KCNH8: variants seen among roughly 807,000 people sequenced by gnomAD.
KCNH8 encodes voltage-gated delayed rectifier potassium channel KCNH8.
In KCNH8, 70 loss-of-function variants were observed where a neutral mutation model predicts 103.6. The observed-to-expected ratio is 0.68, with a 90% confidence interval of 0.56 to 0.82. The LOEUF (loss-of-function observed/expected upper bound fraction) is 0.82. Among genes scored for constraint, KCNH8 ranks in the 40% least tolerant of loss-of-function variants. KCNH8 has a pLI of 0.00. For synonymous variants in KCNH8, 498 were observed against 489.4 expected (o/e 1.02, Z -0.23); for missense variants, 1,217 against 1,329.9 (o/e 0.92, Z 1.32).
rs1200200106 is a variant in KCNH8 at position 19,513,270 on chromosome 3, T to G, written c.2380T>G (p.Leu794Val). The G allele has an allele frequency of 6.2e-7, 1 of 1,612,528 alleles. No individual in the cohort carries two copies. The highest frequency in any genetic ancestry group is 8.5e-7 in the Non-Finnish European group (1 of 1,179,524). ...PNHNKRKEKN[L>V]KLQLSTLNNA... ...CCATAATAAAAGGAAAGAGAAGAAC[T>G]TGAAATTGCAACTTTCAACTTTGAA... Residue 794 changes from leucine (L) to valine (V), a missense_variant, in exon 13 of 16, where the codon TTG becomes GTG. Coordinates refer to ENST00000328405, the MANE Select transcript of KCNH8 (RefSeq NM_144633.3).
At chr3:19,289,862 T>A (rs1370255855) in intron 3 of KCNH8, among the ~76,000 whole-genome samples, 1 of 152,236 alleles carries the variant, frequency 6.6e-6, no homozygotes, top group Non-Finnish European at 1.5e-5. Context: ...ACGATATTGA[T>A]TCTTCCTACC....
intron 2 of KCNH8, among the ~76,000 whole-genome samples, chr3:19,279,379 G>T (rs1236339829): frequency 6.6e-6 from 1 of 152,040 alleles, no homozygotes; most frequent in Non-Finnish European, 1.5e-5. Context: ...AGTGAAGGAT[G>T]TGACAATGTT....
At position 19,337,842 on chromosome 3, in the gene KCNH8, A is replaced by G. The variant is rs76537283; in HGVS notation, c.443-4745A>G. 6.4e-3 allele frequency among the ~76,000 whole-genome samples: 969 copies of G among 152,104 alleles called. 6 individuals carry two copies. Among genetic ancestry groups the G allele is most frequent in the African/African-American group, 0.022 (897 of 41,530 alleles). On this transcript the variant is annotated intron_variant, in intron 3 of 15. Transcript: ENST00000328405. ...GTCAATTTCTTCTTTTGAAAACTCAAATGTTCTCATGTCATTTGAAAGTTT... is the reference window on the plus strand; with the variant it reads ...GTCAATTTCTTCTTTTGAAAACTCAGATGTTCTCATGTCATTTGAAAGTTT...
intron 6 of KCNH8, among the ~76,000 whole-genome samples, chr3:19,394,027 G>A (rs972608231): frequency 6.6e-6 from 1 of 151,924 alleles, no homozygotes; most frequent in African/African-American, 2.4e-5. Flanking sequence ...GGAAAGAATT[G>A]GAAGTCAACT....
rs540610592 is a variant in KCNH8 at position 19,166,789 on chromosome 3, A to C, written c.76+17994A>C. On this transcript the variant is annotated intron_variant, in intron 1 of 15. Coordinates refer to ENST00000328405, the MANE Select transcript of KCNH8 (RefSeq NM_144633.3). ...TATGCTGCACTATAAAGCAGCAGGG[A>C]TATCTAGTACCCTTAAAGCAAGTTT... is the stretch of plus-strand genomic sequence containing the variant. 2.5e-3 allele frequency among the ~76,000 whole-genome samples: 375 copies of C among 152,326 alleles called. 1 individual carries two copies. The highest frequency in any genetic ancestry group is 8.7e-3 in the African/African-American group (360 of 41,578).
intron 1 of KCNH8, among the ~76,000 whole-genome samples, chr3:19,190,939 G>T (rs906781009): frequency 6.6e-6 from 1 of 151,792 alleles, no homozygotes; most frequent in African/African-American, 2.4e-5. Flanking sequence ...ATGTAATACT[G>T]CTTTTGATAT....
intron 5 of KCNH8, among the ~76,000 whole-genome samples, chr3:19,352,050 A>C (rs1190300734): frequency 1.3e-5 from 2 of 152,184 alleles, no homozygotes; most frequent in Admixed American, 6.6e-5. Flanking sequence ...AGACCTACCA[A>C]GCAAATGGAA....
At chr3:19,316,513 T>G (rs950957649) in intron 3 of KCNH8, among the ~76,000 whole-genome samples, 1 of 152,006 alleles carries the variant, frequency 6.6e-6, no homozygotes, top group Admixed American at 6.6e-5. Context: ...TGTTATTTAG[T>G]ATTTTTGAGT....
At chr3:19,222,475 T>G (rs556182142) in intron 1 of KCNH8, among the ~76,000 whole-genome samples, 1 of 152,098 alleles carries the variant, frequency 6.6e-6, no homozygotes, top group Non-Finnish European at 1.5e-5. Flanking sequence ...TGAACTAGAG[T>G]TGACTAATTA....
At chr3:19,320,664 G>C (rs952135725) in intron 3 of KCNH8, among the ~76,000 whole-genome samples, 7 of 151,748 alleles carry the variant, frequency 4.6e-5, no homozygotes, top group African/African-American at 1.7e-4. Flanking sequence ...CCCTTTCCTG[G>C]TTTTGGTGTT....
At chr3:19,261,474 C>A (rs1166622895) in intron 2 of KCNH8, among the ~76,000 whole-genome samples, 1 of 151,696 alleles carries the variant, frequency 6.6e-6, no homozygotes, top group Non-Finnish European at 1.5e-5. Flanking sequence ...TGTACATGTT[C>A]TTTATCAATC....
At chr3:19,352,973 T>C (rs1232718069) in intron 5 of KCNH8, among the ~76,000 whole-genome samples, 1 of 150,166 alleles carries the variant, frequency 6.7e-6, no homozygotes, top group Non-Finnish European at 1.5e-5. Flanking sequence ...ATCAACAAAA[T>C]TGATAGACCA....
chr3:19,224,124 C>T (rs866460941), intron 1 of KCNH8, among the ~76,000 whole-genome samples: 7 of 152,112 alleles, frequency 4.6e-5, no homozygotes, highest in Middle Eastern at 3.4e-3. Flanking sequence ...AGTGGTTTTT[C>T]TCTTAATAAC....
At chr3:19,518,324 TAAATA>T (rs1408042711) in intron 15 of KCNH8, among the ~76,000 whole-genome samples, 2 of 152,194 alleles carry the variant, frequency 1.3e-5, no homozygotes, top group East Asian at 1.9e-4. Context: ...CTTGTGAAAT[TAAATA>T]AAATAATCTA....
intron 3 of KCNH8, among the ~76,000 whole-genome samples, chr3:19,324,165 G>A (rs1325222073): frequency 6.6e-6 from 1 of 152,164 alleles, no homozygotes; most frequent in Non-Finnish European, 1.5e-5. Flanking sequence ...TCTTTGGGCA[G>A]GTCTTGGTGT....
chr3:19,480,576 C>G (rs1273303203), intron 11 of KCNH8, among the ~76,000 whole-genome samples: 2 of 152,150 alleles, frequency 1.3e-5, no homozygotes, highest in Non-Finnish European at 2.9e-5. Flanking sequence ...CCTATGAGAG[C>G]TCTTATAGAA....
intron 5 of KCNH8, among the ~76,000 whole-genome samples, chr3:19,372,050 C>G (rs2066105784): frequency 6.6e-6 from 1 of 152,180 alleles, no homozygotes; most frequent in Admixed American, 6.5e-5. Context: ...TAGTGTGATG[C>G]CTCCAGGTTT....
intron 7 of KCNH8, among the ~76,000 whole-genome samples, chr3:19,397,543 A>G (rs1261878367): frequency 6.6e-6 from 1 of 150,856 alleles, no homozygotes; most frequent in Non-Finnish European, 1.5e-5. Flanking sequence ...ACACACATAT[A>G]TATATATGTG....
Position 19,513,761 on chromosome 3 carries a change from T to C in KCNH8, c.2435+436T>C, listed in dbSNP as rs1226428351. 2.0e-5 allele frequency among the ~76,000 whole-genome samples: 3 copies of C among 152,192 alleles called. No homozygotes were observed. In the East Asian group the frequency reaches 5.8e-4, roughly 29 times the overall value. On this transcript the variant is annotated intron_variant, in intron 13 of 15. Transcript: ENST00000328405. ...CAGATTTTTATTTTTCATACTATTC[T>C]TGCCTTATTATCAAGGACGGCTAAA...
Sources: allele counts gnomAD v4.1 joint callset (sites outside exome capture counted in the v4.1 genomes callset), GRCh38; gene constraint gnomAD v4.1.1; transcripts MANE v1.5; gene names NCBI Gene and HGNC (gene_info 2026-07-23, HGNC 2026-07-21).